Variants in RNF144A observed in about 807,000 individuals in gnomAD.
RNF144A encodes E3 ubiquitin-protein ligase RNF144A.
RNF144A carries 11 observed loss-of-function variants against 38.7 expected under a neutral mutation model. The ratio of observed to expected loss-of-function variants is 0.28; its 90% CI spans 0.18 to 0.47. The LOEUF (loss-of-function observed/expected upper bound fraction) is 0.47. Among genes scored for constraint, RNF144A ranks in the 20% least tolerant of loss-of-function variants. RNF144A has a pLI of 0.99. For missense variants in RNF144A, 316 were observed against 377.2 expected (o/e 0.84, Z 1.34); for synonymous variants, 149 against 143.9 (o/e 1.04, Z -0.25).
intron 6 of RNF144A, among the ~76,000 whole-genome samples, chr2:7,021,715 C>T (rs1240351551): frequency 2.6e-5 from 4 of 152,176 alleles, no homozygotes; most frequent in East Asian, 3.9e-4. Flanking sequence ...TTGACAAGGC[C>T]GATTCTGCCA....
At chr2:6,956,471 C>T (rs1001110638) in intron 2 of RNF144A, among the ~76,000 whole-genome samples, 6 of 152,182 alleles carry the variant, frequency 3.9e-5, no homozygotes, top group African/African-American at 1.4e-4. Context: ...TTGCATAGAT[C>T]CCCATGACAG....
At chr2:7,074,312 C>T in the RNF144A span, among the ~76,000 whole-genome samples, 2 of 152,186 alleles carry the variant, frequency 1.3e-5, no homozygotes, top group African/African-American at 4.8e-5. Flanking sequence ...ATTTACCCAC[C>T]TTCCAGCCTA....
At chr2:7,051,101 G>C (rs1410475324) in intron 6 of RNF144A, among the ~76,000 whole-genome samples, 1 of 152,208 alleles carries the variant, frequency 6.6e-6, no homozygotes, top group Non-Finnish European at 1.5e-5. Flanking sequence ...CTCCACAGGT[G>C]GTAGCAGAGA....
intron 7 of RNF144A, among the ~76,000 whole-genome samples, chr2:7,026,118 T>C: frequency 6.6e-6 from 1 of 152,240 alleles, no homozygotes; most frequent in East Asian, 1.9e-4. Flanking sequence ...CTGAGAGATT[T>C]GTCTAGAAGA....
intron 3 of RNF144A, among the ~76,000 whole-genome samples, chr2:7,008,358 C>A (rs1670583923): frequency 6.6e-6 from 1 of 152,222 alleles, no homozygotes; most frequent in Non-Finnish European, 1.5e-5. Context: ...GTGCCCAGTC[C>A]CTTACCCTCC....
intron 6 of RNF144A, among the ~76,000 whole-genome samples, chr2:7,059,307 C>A (rs1040129919): frequency 6.6e-6 from 1 of 152,112 alleles, no homozygotes; most frequent in African/African-American, 2.4e-5. Context: ...GATCATGCCA[C>A]TGCACTCCAG....
chr2:7,002,013 T>G (rs1364119757), intron 3 of RNF144A, among the ~76,000 whole-genome samples: 1 of 152,214 alleles, frequency 6.6e-6, no homozygotes, highest in Non-Finnish European at 1.5e-5. Flanking sequence ...AATACGATAT[T>G]ATTTCCTTTT....
chr2:6,935,284 T>C (rs528890935), intron 1 of RNF144A, among the ~76,000 whole-genome samples: 32 of 152,358 alleles, frequency 2.1e-4, no homozygotes, highest in Admixed American at 1.8e-3. Flanking sequence ...GCCTCCTCCT[T>C]TTGGTCATCC....
intron 6 of RNF144A, among the ~76,000 whole-genome samples, chr2:7,066,253 A>T (rs1674216796): frequency 6.6e-6 from 1 of 151,884 alleles, no homozygotes; most frequent in African/African-American, 2.4e-5. Context: ...ACGCCCAGCT[A>T]ATTTTTTGTA....
chr2:6,950,835 G>A (rs574631154), intron 2 of RNF144A, among the ~76,000 whole-genome samples: 6 of 152,178 alleles, frequency 3.9e-5, no homozygotes, highest in African/African-American at 7.2e-5. Flanking sequence ...ATGACTGCTC[G>A]TATTTTTGGT....
rs1290177646 is a variant in RNF144A at position 7,043,725 on chromosome 2, T to G, written c.*3965T>G. ...GTCTTGATGTTTAAAAAACCCAGGG[T>G]CTCCACCCTTCCTTTGATTTGTGCA... On this transcript the variant is annotated 3_prime_UTR_variant, in exon 9 of 9. Coordinates refer to ENST00000320892, the MANE Select transcript of RNF144A (RefSeq NM_014746.6). 1.0e-6 allele frequency: 1 copy of G among 985,622 alleles called. No individual in the cohort carries two copies. Among genetic ancestry groups the G allele is most frequent in the Non-Finnish European group, 1.2e-6 (1 of 829,900 alleles). 61.1% of individuals were successfully genotyped at this position (985,622 alleles called of 1,614,324 possible).
chr2:6,967,001 G>A (rs1029822980), intron 2 of RNF144A, among the ~76,000 whole-genome samples: 17 of 152,082 alleles, frequency 1.1e-4, no homozygotes, highest in Non-Finnish European at 1.5e-4. Context: ...TTAGTGCATT[G>A]GTTCATGGTG....
intron 6 of RNF144A, among the ~76,000 whole-genome samples, chr2:7,063,517 C>T (rs1443295422): frequency 6.6e-6 from 1 of 151,994 alleles, no homozygotes; most frequent in Admixed American, 6.6e-5. Context: ...AGGGTGGGAC[C>T]TTAATTTTAG....
At chr2:7,053,266 G>A (rs1350663406) in intron 6 of RNF144A, among the ~76,000 whole-genome samples, 1 of 152,228 alleles carries the variant, frequency 6.6e-6, no homozygotes, top group Middle Eastern at 3.2e-3. Context: ...GACCGAGTCA[G>A]AACCTGGATT....
At chr2:6,946,988 A>C (rs1415333280) in intron 2 of RNF144A, among the ~76,000 whole-genome samples, 1 of 152,100 alleles carries the variant, frequency 6.6e-6, no homozygotes, top group African/African-American at 2.4e-5. Flanking sequence ...TTTTATTACT[A>C]TGTGATTTTT....
rs1294950015 is a variant in RNF144A, at chr2:6,962,117, G to T, written c.-12+20970G>T. Among the ~76,000 whole-genome samples the T allele has an allele frequency of 6.6e-6, 1 of 152,208 alleles. No homozygotes were observed. Among genetic ancestry groups the T allele is most frequent in the East Asian group, 1.9e-4 (1 of 5,192 alleles). ...TGGGATCCACGGTGAAATGCAGGGGGTTTTATAGATAAGCTGGTGGGGAAT... is the reference window on the plus strand; with the variant it reads ...TGGGATCCACGGTGAAATGCAGGGGTTTTTATAGATAAGCTGGTGGGGAAT... On this transcript the variant is annotated intron_variant, in intron 2 of 8. Coordinates refer to ENST00000320892, the MANE Select transcript of RNF144A (RefSeq NM_014746.6). The surrounding 1 kb of genome is among the most constrained non-coding windows in gnomAD (Gnocchi z 4.1).
At chr2:6,971,973 G>A (rs938291919) in intron 2 of RNF144A, among the ~76,000 whole-genome samples, 8 of 152,258 alleles carry the variant, frequency 5.3e-5, no homozygotes, top group African/African-American at 9.6e-5. Flanking sequence ...ATTGCAGATT[G>A]GTTCATGAAT....
intron 3 of RNF144A, among the ~76,000 whole-genome samples, chr2:6,997,713 T>G (rs1669845624): frequency 6.6e-6 from 1 of 152,190 alleles, no homozygotes; most frequent in African/African-American, 2.4e-5. Context: ...TTACTTGTTT[T>G]TTCTGTCCAT....
chr2:7,011,827 T>G (rs2103415189), intron 3 of RNF144A, among the ~76,000 whole-genome samples: 1 of 152,296 alleles, frequency 6.6e-6, no homozygotes, highest in South Asian at 2.1e-4. Flanking sequence ...TTTTGATGGA[T>G]GCAAGGTCAG....
Sources: gnomAD v4.1 joint callset for allele counts (sites outside exome capture counted in the v4.1 genomes callset) on GRCh38, gnomAD v4.1.1 for gene constraint, Gnocchi (gnomAD v3.1) non-coding constraint, MANE v1.5 for transcripts, NCBI Gene and HGNC (gene_info 2026-07-23, HGNC 2026-07-21) for gene names.